WNT5A: variants seen among roughly 807,000 people sequenced by gnomAD.
WNT5A encodes Wnt family member 5A, also known as protein Wnt-5a.
WNT5A carries 9 observed loss-of-function variants against 42.1 expected under a neutral mutation model. That is an observed-to-expected ratio of 0.21 (90% CI 0.13 to 0.37). The LOEUF (loss-of-function observed/expected upper bound fraction) is 0.37. Ranked by LOEUF, WNT5A falls within the 10% of genes least tolerant of loss-of-function variation. The pLI is 1.00. For synonymous variants in WNT5A, 210 were observed against 210.0 expected (o/e 1.00, Z 0.00); for missense variants, 426 against 534.0 (o/e 0.80, Z 1.99).
chr3:55,479,641 C>T (rs2051421260), intron 2 of WNT5A, 77 bp from the exon 3 acceptor site: 4 of 1,496,710 alleles, frequency 2.7e-6, no homozygotes, highest in South Asian at 1.4e-5. Flanking sequence ...GTCAGCAATA[C>T]ATAGTTTTAA....
the WNT5A span, chr3:55,501,661 A>G: frequency 6.6e-6 from 1 of 152,238 alleles, no homozygotes. Flanking sequence ...TGTACTTTTA[A>G]CAGTAGGTAA....
intron 2 of WNT5A, among the ~76,000 whole-genome samples, chr3:55,480,241 T>G (rs2051433233): frequency 6.6e-6 from 1 of 152,196 alleles, no homozygotes; most frequent in African/African-American, 2.4e-5. Context: ...ACAAGGCCCC[T>G]ACCCAGAAAG....
intron 1 of WNT5A, among the ~76,000 whole-genome samples, chr3:55,482,378 A>G (rs557286422): frequency 6.6e-6 from 1 of 152,240 alleles, no homozygotes; most frequent in South Asian, 2.1e-4. Context: ...CTTACACGTA[A>G]GTCTAACCCT....
chr3:55,477,975 T>C (rs918950263), intron 3 of WNT5A, among the ~76,000 whole-genome samples: 6 of 152,214 alleles, frequency 3.9e-5, no homozygotes, highest in Non-Finnish European at 7.3e-5. Flanking sequence ...TTTTCAAAAG[T>C]ATTTAAGTTC....
At chr3:55,481,312 C>A in intron 1 of WNT5A, 1 of 989,610 alleles carries the variant, frequency 1.0e-6, no homozygotes, top group Non-Finnish European at 1.2e-6. Flanking sequence ...CTGCGGCCAC[C>A]CTCCGTCCTC....
upstream of WNT5A, chr3:55,489,364 A>G (rs114304198): frequency 0.031 from 4,774 of 152,226 alleles, 88 homozygotes; most frequent in South Asian, 0.069. Context: ...ACTTGACCTT[A>G]AGGCGAAAAA....
chr3:55,483,861 C>A lies in WNT5A; in HGVS notation c.7-2943G>T, dbSNP rs992116480. Among the ~76,000 whole-genome samples the A allele has an allele frequency of 3.3e-5, 5 of 152,130 alleles. No individual in the cohort carries two copies. The highest frequency in any genetic ancestry group is 9.7e-5 in the African/African-American group (4 of 41,426). The stretch of plus-strand genomic sequence containing the variant: ...TGATGAGGGATGAGGGAGAGGAAAC[C>A]TCAGTAGCAAAATTGTTCAGAGGAC... On this transcript the variant is annotated intron_variant, in intron 1 of 4. Transcript: ENST00000264634. This position sits in a 1 kb window ranked among gnomAD's most constrained non-coding sequence, Gnocchi z 4.2.
the WNT5A span, among the ~76,000 whole-genome samples, chr3:55,500,037 G>A: frequency 6.6e-6 from 1 of 151,698 alleles, no homozygotes; most frequent in Non-Finnish European, 1.5e-5. Context: ...TGTGGATTCA[G>A]CAATTTATCC....
At chr3:55,488,696 C>T (rs1259243723), upstream of WNT5A, among the ~76,000 whole-genome samples, 1 of 152,110 alleles carries the variant, frequency 6.6e-6, no homozygotes, top group African/African-American at 2.4e-5. Context: ...TCCGCAGCCG[C>T]TGCCTGCCTG....
At chr3:55,484,383 G>C (rs1391309193) in intron 1 of WNT5A, among the ~76,000 whole-genome samples, 1 of 152,214 alleles carries the variant, frequency 6.6e-6, no homozygotes. Context: ...TAGGGGAGCA[G>C]ACAAAGGAGC....
chr3:55,479,909 G>A (rs536615906), intron 2 of WNT5A, among the ~76,000 whole-genome samples: 2 of 152,260 alleles, frequency 1.3e-5, no homozygotes, highest in African/African-American at 4.8e-5. Flanking sequence ...TAGAGAAAGT[G>A]ACCCACTTTG....
chr3:55,496,988 C>T, the WNT5A span, among the ~76,000 whole-genome samples: 2 of 152,234 alleles, frequency 1.3e-5, no homozygotes, highest in Non-Finnish European at 2.9e-5. Context: ...TTACGGGTCA[C>T]CTACTGTGGA....
At chr3:55,489,897 C>A (rs1007009912), upstream of WNT5A, 2 of 152,392 alleles carry the variant, frequency 1.3e-5, no homozygotes, top group Admixed American at 1.3e-4. Flanking sequence ...GGCTGCGTCC[C>A]TCCGCCCTTC....
At chr3:55,477,024 G>A (rs1266753232) in intron 3 of WNT5A, among the ~76,000 whole-genome samples, 1 of 152,176 alleles carries the variant, frequency 6.6e-6, no homozygotes, top group African/African-American at 2.4e-5. Flanking sequence ...AAAATGAGTT[G>A]AGGAGGGGGT....
intron 1 of WNT5A, among the ~76,000 whole-genome samples, chr3:55,484,411 C>G (rs2051532138): frequency 6.6e-6 from 1 of 152,170 alleles, no homozygotes; most frequent in South Asian, 2.1e-4. Flanking sequence ...CCCTAAGCCT[C>G]ACGCCTGGGC....
chr3:55,480,880 C>A lies in WNT5A; in HGVS notation c.45G>T (p.Gly15=), dbSNP rs2051447014. 1.3e-6 allele frequency: 2 copies of A among 1,588,090 alleles called. No homozygotes were observed. The highest frequency in any genetic ancestry group is 1.7e-6 in the Non-Finnish European group (2 of 1,166,460). ...IGILSPGVAL[G]MAGSAMSSKF... ...TGGAAGACATTGCACTTCCAGCCAT[C>A]CCCAAAGCAACTCCTGGGCTTAATA... Residue 15 remains glycine, a synonymous_variant, in exon 2 of 5, where the codon GGG becomes GGT. Transcript: ENST00000264634.
chr3:55,503,523 G>A, the WNT5A span, among the ~76,000 whole-genome samples: 5 of 152,216 alleles, frequency 3.3e-5, no homozygotes, highest in African/African-American at 1.2e-4. Context: ...GCACTCAGGG[G>A]TCAGGCAGGT....
chr3:55,494,553 T>C (rs2051694742), upstream of WNT5A, among the ~76,000 whole-genome samples: 1 of 152,208 alleles, frequency 6.6e-6, no homozygotes, highest in African/African-American at 2.4e-5. Context: ...TTTTTTCTTT[T>C]TTTTGATAGA....
chr3:55,499,709 C>T, the WNT5A span, among the ~76,000 whole-genome samples: 5 of 152,148 alleles, frequency 3.3e-5, no homozygotes, highest in Middle Eastern at 3.2e-3. Flanking sequence ...CATGGTGGCT[C>T]ACGCCTGTAA....
Sources: gnomAD v4.1 joint callset for allele counts (sites outside exome capture counted in the v4.1 genomes callset) on GRCh38, gnomAD v4.1.1 for gene constraint, Gnocchi (gnomAD v3.1) non-coding constraint, MANE v1.5 for transcripts, NCBI Gene and HGNC (gene_info 2026-07-23, HGNC 2026-07-21) for gene names.